Variants in TRAF3IP2 observed in about 807,000 individuals in gnomAD.
The protein encoded by TRAF3IP2 is TRAF3 interacting protein 2.
TRAF3IP2 carries 35 observed loss-of-function variants against 57.9 expected under a neutral mutation model. The observed-to-expected ratio is 0.60, with a 90% CI of 0.46 to 0.80. The LOEUF (loss-of-function observed/expected upper bound fraction) is 0.80, where lower values mean the gene tolerates loss of function less well. Among genes scored for constraint, TRAF3IP2 ranks in the 30% least tolerant of loss-of-function variants. The pLI, the probability that TRAF3IP2 is intolerant of heterozygous loss-of-function variation, is 0.00. For missense variants in TRAF3IP2, 556 were observed against 706.4 expected (o/e 0.79, Z 2.41); for synonymous variants, 251 against 268.9 (o/e 0.93, Z 0.65).
At chr6:111,579,600 C>T (rs370837374) in intron 3 of TRAF3IP2, among the ~76,000 whole-genome samples, 11 of 151,860 alleles carry the variant, frequency 7.2e-5, no homozygotes, top group African/African-American at 2.2e-4. Flanking sequence ...GGCATGGTGG[C>T]GCATGCTTCT....
At chr6:111,584,493 TTGAC>T (rs1217162639) in intron 2 of TRAF3IP2, among the ~76,000 whole-genome samples, 2 of 152,136 alleles carry the variant, frequency 1.3e-5, no homozygotes, top group African/African-American at 4.8e-5. Context: ...TGTCTGGAAT[TTGAC>T]TGGTTGTATG....
At position 111,566,555 on chromosome 6, in the gene TRAF3IP2, G is replaced by C. The variant is rs200213270; in HGVS notation, c.1365C>G (p.Thr455=). ...KWMERYLRDK[T]VMIIVAISPK... is the part of the protein sequence containing the mutation. ...GGCTGATTGCTACGATTATCATCAC[G>C]GTCTTCTGTTAATGAGAGGGAGAAA... Residue 455 remains threonine, a synonymous_variant, in exon 7 of 9, where the codon ACC becomes ACG. Transcript: ENST00000368761. 2 of 1,613,692 alleles carry C rather than the reference G, an allele frequency of 1.2e-6. No individual in the cohort carries two copies. Among genetic ancestry groups the C allele is most frequent in the Non-Finnish European group, 1.7e-6 (2 of 1,179,748 alleles).
chr6:111,559,676 G>A (rs1284443022), intron 8 of TRAF3IP2, 125 bp from the exon 9 acceptor site: 2 of 1,147,816 alleles, frequency 1.7e-6, no homozygotes, highest in Non-Finnish European at 2.5e-6. Flanking sequence ...ACTATCCTGG[G>A]AGTTGTGCTG....
At position 111,605,143 on chromosome 6, in the gene TRAF3IP2, G is replaced by A. The variant is rs922613177; in HGVS notation, c.-9+633C>T. On this transcript the variant is annotated intron_variant, in intron 1 of 8. Coordinates refer to ENST00000368761, the MANE Select transcript of TRAF3IP2 (RefSeq NM_147686.4). ...ACCATCTTGAACTTGAAAGTCACAAGAAGCTTGATTAGCTTCTAAGATCAA... is the reference window on the plus strand; with the variant it reads ...ACCATCTTGAACTTGAAAGTCACAAAAAGCTTGATTAGCTTCTAAGATCAA... Among the ~76,000 whole-genome samples the A allele has an allele frequency of 2.0e-5, 3 of 151,838 alleles. No individual in the cohort carries two copies. In the East Asian group the frequency reaches 5.8e-4, roughly 29 times the overall value.
rs1225888807 is a variant in TRAF3IP2 at position 111,595,568 on chromosome 6, G to A, written c.-8-3474C>T. 4.6e-5 allele frequency among the ~76,000 whole-genome samples: 7 copies of A among 152,234 alleles called. No homozygotes were observed. In the South Asian group the frequency reaches 1.5e-3, roughly 32 times the overall value. ...ATGCATGCCGGGCGCCGTGACTCAC[G>A]CCTGTAATCCCAGCACTTTGGGAGG... On this transcript the variant is annotated intron_variant, in intron 1 of 8. Coordinates refer to ENST00000368761, the MANE Select transcript of TRAF3IP2 (RefSeq NM_147686.4).
At chr6:111,586,745 G>A (rs1313924468) in intron 2 of TRAF3IP2, among the ~76,000 whole-genome samples, 2 of 152,056 alleles carry the variant, frequency 1.3e-5, no homozygotes, top group African/African-American at 2.4e-5. Flanking sequence ...CTTTTGAAGT[G>A]GTTTTGTTAG....
intron 2 of TRAF3IP2, among the ~76,000 whole-genome samples, chr6:111,590,929 C>A (rs1431376732): frequency 6.6e-6 from 1 of 152,044 alleles, no homozygotes; most frequent in Non-Finnish European, 1.5e-5. Context: ...AAGATTAGAA[C>A]AAAAAATACA....
At chr6:111,566,618 A>C (rs1795647082) in intron 6 of TRAF3IP2, 58 bp from the exon 7 acceptor site, 8 of 1,447,634 alleles carry the variant, frequency 5.5e-6, no homozygotes. Context: ...GACTGTGGGC[A>C]TTCTCTGACA....
intron 1 of TRAF3IP2, among the ~76,000 whole-genome samples, chr6:111,594,132 CAAA>C (rs36108891): frequency 7.3e-5 from 9 of 124,018 alleles, no homozygotes; most frequent in Non-Finnish European, 1.0e-4. Context: ...ACTCCATCTC[CAAA>C]AAAAAAAAAA....
At chr6:111,572,731 T>C (rs959813275) in intron 5 of TRAF3IP2, 164 bp downstream of exon 5, 1 of 643,460 alleles carries the variant, frequency 1.6e-6, no homozygotes, top group Non-Finnish European at 2.6e-6. Flanking sequence ...TAGCTTAAAA[T>C]CTAGAAAATT....
At chr6:111,605,427 G>T (rs2128387385) in intron 1 of TRAF3IP2, among the ~76,000 whole-genome samples, 1 of 152,378 alleles carries the variant, frequency 6.6e-6, no homozygotes, top group Middle Eastern at 3.4e-3. Flanking sequence ...CTTTGGAGAA[G>T]TGGGGCTTGA....
intron 7 of TRAF3IP2, among the ~76,000 whole-genome samples, chr6:111,563,674 CAG>C (rs1335332906): frequency 1.3e-5 from 2 of 152,182 alleles, no homozygotes; most frequent in African/African-American, 4.8e-5. Flanking sequence ...GTAGGGAAAA[CAG>C]AGGCAGAGGC....
chr6:111,587,115 G>A (rs1016937141), intron 2 of TRAF3IP2: 1 of 152,146 alleles, frequency 6.6e-6, no homozygotes, highest in Admixed American at 6.5e-5. Context: ...ATGGGAGCCA[G>A]GGCCAAGGGA....
intron 7 of TRAF3IP2, among the ~76,000 whole-genome samples, chr6:111,566,225 G>T (rs557538029): frequency 2.6e-5 from 4 of 152,318 alleles, no homozygotes; most frequent in Admixed American, 2.6e-4. Context: ...CCTTGCAACT[G>T]ATAGGAACAA....
chr6:111,587,814 T>G (rs1291267496), intron 2 of TRAF3IP2, among the ~76,000 whole-genome samples: 1 of 152,234 alleles, frequency 6.6e-6, no homozygotes, highest in African/African-American at 2.4e-5. Context: ...ATAGTATACA[T>G]AAATCACAAA....
rs1583213712 is a variant in TRAF3IP2 at position 111,563,032 on chromosome 6, A to G, written c.1484T>C (p.Ile495Thr). 3 of 1,612,262 alleles carry G rather than the reference A, an allele frequency of 1.9e-6. No homozygotes were observed. The highest frequency in any genetic ancestry group is 2.5e-6 in the Non-Finnish European group (3 of 1,179,046). ...CATGCTTCCTTGTTTTATGAACTCA[A>G]TCTGCATCTGAAACCAAACAAATGT... is the stretch of plus-strand genomic sequence containing the variant. ...HTKYIHRMMQ[I>T]EFIKQGSMNF... Residue 495 changes from isoleucine (I) to threonine (T), a missense_variant, in exon 8 of 9, where the codon ATT (isoleucine) becomes ACT (threonine). Coordinates refer to ENST00000368761, the MANE Select transcript of TRAF3IP2 (RefSeq NM_147686.4).
Position 111,559,568 on chromosome 6 carries a change from G to A in TRAF3IP2, c.1552-17C>T. ...CACATGCTCCTATGGGAGGCAGAAT[G>A]ACAGGAGCAAAGGTCATTAGAGAAA... On this transcript the variant is annotated splice_polypyrimidine_tract_variant and intron_variant, in intron 8 of 8. Coordinates refer to ENST00000368761, the MANE Select transcript of TRAF3IP2 (RefSeq NM_147686.4). 1 of 1,613,354 alleles carries A rather than the reference G, an allele frequency of 6.2e-7. No individual in the cohort carries two copies. The highest frequency in any genetic ancestry group is 1.7e-5 in the Admixed American group (1 of 59,946).
At position 111,567,270 on chromosome 6, in the gene TRAF3IP2, C is replaced by T. The variant is rs1795682867; in HGVS notation, c.1359+354G>A. Reference sequence around the variant, plus strand: ...AGGCTGCCTAGGAAACCTCTTCAGCCCAATTCTACAAAACACTTGGGGTGG... The same window carrying T: ...AGGCTGCCTAGGAAACCTCTTCAGCTCAATTCTACAAAACACTTGGGGTGG... On this transcript the variant is annotated intron_variant, in intron 6 of 8. Coordinates refer to ENST00000368761, the MANE Select transcript of TRAF3IP2 (RefSeq NM_147686.4). The T allele has an allele frequency of 1.6e-5, 17 of 1,033,370 alleles. No homozygotes were observed. In the South Asian group the frequency reaches 5.9e-4, roughly 36 times the overall value. The allele number at this position is 1,033,370 out of a possible 1,614,324, so 64.0% of individuals were successfully genotyped here. A position where few individuals can be genotyped will look rare whatever the true frequency, so the allele number is the denominator to read the frequency against.
Position 111,575,502 on chromosome 6 carries a change from G to A in TRAF3IP2, c.1201+141C>T. 4 of 879,072 alleles carry A rather than the reference G, an allele frequency of 4.6e-6. No homozygotes were observed. The Admixed American group carries it at 8.5e-5, about 19-fold the overall frequency. The allele number at this position is 879,072 out of a possible 1,614,324, so 54.5% of individuals were successfully genotyped here. On this transcript the variant is annotated intron_variant, in intron 4 of 8. Coordinates refer to ENST00000368761, the MANE Select transcript of TRAF3IP2 (RefSeq NM_147686.4). ...ACTCGGGAGGCTGAGGCAGGAGAAT[G>A]GGGTGAACCTGGGAGGCGGAGCTTG... is the stretch of plus-strand genomic sequence containing the variant.
Sources: gnomAD v4.1 joint callset for allele counts (sites outside exome capture counted in the v4.1 genomes callset) on GRCh38, gnomAD v4.1.1 for gene constraint, MANE v1.5 for transcripts, NCBI Gene and HGNC (gene_info 2026-07-23, HGNC 2026-07-21) for gene names.